Variants in NPAS3 observed in about 807,000 individuals in gnomAD.
The protein encoded by NPAS3 is neuronal PAS domain protein 3.
Under a neutral mutation model 73.1 loss-of-function variants are expected in NPAS3, and 14 were observed. The observed-to-expected ratio is 0.19, with a 90% CI of 0.13 to 0.30. The LOEUF (loss-of-function observed/expected upper bound fraction) is 0.30, where lower values mean the gene tolerates loss of function less well. NPAS3 is among the 10% of genes least tolerant of loss of function. The pLI, the probability that NPAS3 is intolerant of heterozygous loss-of-function variation, is 1.00. For synonymous variants in NPAS3, 620 were observed against 541.5 expected (o/e 1.14, Z -2.01); for missense variants, 1,096 against 1,250.0 (o/e 0.88, Z 1.86).
Position 33,800,068 on chromosome 14 carries a change from C to T in NPAS3, c.1761C>T (p.Gly587=), listed in dbSNP as rs748665098. ...GCGCCAAGGACTCGGACAGCGCAGG[C>T]GAGGCGGGCGCGCAGGCCTCCAGCA... The change falls in exon 12 of 12, where the codon GGC becomes GGT. Residue 587 remains glycine (G), a synonymous_variant. Coordinates refer to ENST00000356141, the Ensembl canonical transcript of NPAS3. This position sits in a 1 kb window ranked among gnomAD's most constrained non-coding sequence, Gnocchi z 6.5. The T allele has an allele frequency of 8.1e-6, 13 of 1,600,732 alleles. No individual in the cohort carries two copies. Among genetic ancestry groups the T allele is most frequent in the Non-Finnish European group, 1.1e-5 (13 of 1,176,918 alleles).
At chr14:33,454,827 G>A (rs1452908612) in intron 4 of NPAS3, among the ~76,000 whole-genome samples, 1 of 152,174 alleles carries the variant, frequency 6.6e-6, no homozygotes, top group East Asian at 1.9e-4. Flanking sequence ...AGAAAAATGA[G>A]GTGATACTGA....
At chr14:33,426,366 A>T (rs962982721) in intron 4 of NPAS3, among the ~76,000 whole-genome samples, 1 of 152,016 alleles carries the variant, frequency 6.6e-6, no homozygotes, top group South Asian at 2.1e-4. Context: ...ATTGTGGAGA[A>T]GGTTTAAATC....
At chr14:33,794,760 TC>T (rs775644889) in intron 10 of NPAS3, among the ~76,000 whole-genome samples, 4 of 152,146 alleles carry the variant, frequency 2.6e-5, no homozygotes, top group Admixed American at 6.5e-5. Flanking sequence ...CCCTTCCCAG[TC>T]TACATTCTGC....
At chr14:33,415,321 T>C (rs2048102603) in intron 4 of NPAS3, among the ~76,000 whole-genome samples, 1 of 152,162 alleles carries the variant, frequency 6.6e-6, no homozygotes, top group Admixed American at 6.6e-5. Context: ...TTGGGTATTT[T>C]CTAGCCTTTC....
At chr14:33,559,740 C>T (rs746018669) in intron 4 of NPAS3, among the ~76,000 whole-genome samples, 4 of 152,296 alleles carry the variant, frequency 2.6e-5, no homozygotes, top group Non-Finnish European at 4.4e-5. Context: ...TCAGCGTGGC[C>T]GGGCGCGGTG....
chr14:33,179,167 T>G (rs2045705786), intron 2 of NPAS3, among the ~76,000 whole-genome samples: 2 of 152,144 alleles, frequency 1.3e-5, no homozygotes. Context: ...TTGGTCTAAT[T>G]ATGTTAATAT....
chr14:32,975,375 C>T (rs769991690), intron 1 of NPAS3, among the ~76,000 whole-genome samples: 2 of 138,152 alleles, frequency 1.4e-5, no homozygotes, highest in Admixed American at 7.2e-5. Flanking sequence ...GGCTGGAGTG[C>T]ACTGGCACCA....
At chr14:33,576,767 C>T (rs984219831) in intron 5 of NPAS3, among the ~76,000 whole-genome samples, 9 of 152,160 alleles carry the variant, frequency 5.9e-5, no homozygotes, top group Non-Finnish European at 5.9e-5. Flanking sequence ...CAATGTTTAG[C>T]GTCTCCTGCT....
chr14:33,523,172 A>G (rs2053633862), intron 4 of NPAS3, among the ~76,000 whole-genome samples: 1 of 152,130 alleles, frequency 6.6e-6, no homozygotes, highest in South Asian at 2.1e-4. Context: ...GTACATTGGG[A>G]TAGGTACTGT....
chr14:33,289,450 C>G (rs918502390), intron 3 of NPAS3, among the ~76,000 whole-genome samples: 1 of 152,184 alleles, frequency 6.6e-6, no homozygotes, highest in South Asian at 2.1e-4. Flanking sequence ...GTAATCTATC[C>G]TTGGCCCTTT....
In NPAS3 at chr14:33,431,214, A is replaced by C. The variant is rs115594058; in HGVS notation, c.468+63946A>C. ...AACATGATTTTTGATTTGTTACTAT[A>C]CAAGTTCTACCACATCTGGCTTTTC... On this transcript the variant is annotated intron_variant, in intron 4 of 11. Transcript: ENST00000356141. Among the ~76,000 whole-genome samples the C allele has an allele frequency of 4.2e-3, 645 of 152,286 alleles. 6 individuals are homozygous for C. Among genetic ancestry groups the C allele is most frequent in the African/African-American group, 0.014 (602 of 41,570 alleles).
At chr14:33,663,365 T>C (rs1277751939) in intron 5 of NPAS3, among the ~76,000 whole-genome samples, 3 of 152,178 alleles carry the variant, frequency 2.0e-5, no homozygotes, top group Admixed American at 2.0e-4. Context: ...TGATGGATTA[T>C]GTTTATTGAT....
chr14:33,301,317 T>TAATGATAAAATATAATG (rs1566775118), intron 3 of NPAS3, among the ~76,000 whole-genome samples: 3 of 97,178 alleles, frequency 3.1e-5, no homozygotes, highest in African/African-American at 8.8e-5. Flanking sequence ...TATATATATA[T>TAATGATAAAATATAATG]ATATATTTTT....
chr14:33,777,588 G>T (rs1419422418), intron 8 of NPAS3, among the ~76,000 whole-genome samples: 1 of 151,106 alleles, frequency 6.6e-6, no homozygotes. Flanking sequence ...GAAGAGTAAA[G>T]AGAATAAATT....
chr14:33,784,660 T>C (rs1331609325), intron 9 of NPAS3, among the ~76,000 whole-genome samples: 2 of 151,938 alleles, frequency 1.3e-5, no homozygotes, highest in Non-Finnish European at 2.9e-5. Flanking sequence ...AATTCTCACA[T>C]GGATTCGCAA....
intron 2 of NPAS3, among the ~76,000 whole-genome samples, chr14:33,185,261 C>G (rs150588150): frequency 6.6e-6 from 1 of 152,284 alleles, no homozygotes; most frequent in African/African-American, 2.4e-5. Flanking sequence ...ATTTTCTTAT[C>G]CCATATTTGT....
chr14:33,612,850 T>G (rs981851828), intron 5 of NPAS3, among the ~76,000 whole-genome samples: 1 of 152,208 alleles, frequency 6.6e-6, no homozygotes, highest in African/African-American at 2.4e-5. Context: ...TCATAATTTT[T>G]AATAAAGTGG....
intron 1 of NPAS3, among the ~76,000 whole-genome samples, chr14:33,052,073 A>G (rs2040730764): frequency 6.6e-6 from 1 of 152,092 alleles, no homozygotes; most frequent in Admixed American, 6.5e-5. Flanking sequence ...ATTACATTTT[A>G]ACCTGAATTC....
chr14:33,256,255 T>C (rs1300900692), intron 3 of NPAS3, among the ~76,000 whole-genome samples: 1 of 152,172 alleles, frequency 6.6e-6, no homozygotes, highest in Non-Finnish European at 1.5e-5. Context: ...ACAAAAACAA[T>C]AAAACCTTAT....
Sources: gnomAD v4.1 joint callset for allele counts (sites outside exome capture counted in the v4.1 genomes callset) on GRCh38, gnomAD v4.1.1 for gene constraint, Gnocchi (gnomAD v3.1) non-coding constraint, MANE v1.5 for transcripts, NCBI Gene and HGNC (gene_info 2026-07-23, HGNC 2026-07-21) for gene names.